CPT1A: variants seen among roughly 807,000 people sequenced by gnomAD.
The protein encoded by CPT1A is carnitine palmitoyltransferase 1A.
In CPT1A, 64 loss-of-function variants were observed where a neutral mutation model predicts 100.8. The ratio of observed to expected loss-of-function variants is 0.63; its 90% CI spans 0.52 to 0.78. The LOEUF (loss-of-function observed/expected upper bound fraction) is 0.78, where lower values mean the gene tolerates loss of function less well. Ranked by LOEUF, CPT1A falls within the 30% of genes least tolerant of loss-of-function variation. The probability of loss-of-function intolerance (pLI) is 0.00; values close to 1 mark genes in which losing one functional copy is unlikely to be tolerated. For synonymous variants in CPT1A, 363 were observed against 396.0 expected (o/e 0.92, Z 0.99); for missense variants, 802 against 1,034.1 (o/e 0.78, Z 3.08).
intron 12 of CPT1A, among the ~76,000 whole-genome samples, chr11:68,777,518 C>A (rs1855172395): frequency 6.6e-6 from 1 of 152,234 alleles, no homozygotes; most frequent in Non-Finnish European, 1.5e-5. Context: ...CACTGGGCCC[C>A]CATGTGAGAC....
intron 14 of CPT1A, 143 bp downstream of exon 14, chr11:68,773,122 G>GA: frequency 6.8e-7 from 1 of 1,467,550 alleles, no homozygotes; most frequent in South Asian, 1.3e-5. Flanking sequence ...ACGCCACCCG[G>GA]CCCCCGGAGA....
intron 3 of CPT1A, among the ~76,000 whole-genome samples, chr11:68,809,447 G>A (rs112030102): frequency 1.3e-5 from 2 of 152,120 alleles, no homozygotes; most frequent in African/African-American, 2.4e-5. Context: ...CAAGGCTGTC[G>A]GGGACAAACT....
In CPT1A at chr11:68,773,025, G is replaced by C. The variant is rs569805137; in HGVS notation, c.1740+240C>G. 2.0e-5 allele frequency among the ~76,000 whole-genome samples: 3 copies of C among 152,312 alleles called. No individual in the cohort carries two copies. In the East Asian group the frequency reaches 5.8e-4, roughly 29 times the overall value. On this transcript the variant is annotated intron_variant, in intron 14 of 18. Transcript: ENST00000265641. Reference sequence around the variant, plus strand: ...GATCTCACTTTGTCCTCATCCCCCAGACTCTCCCTCTCCCGTGTCAGCTGG... The same window carrying C: ...GATCTCACTTTGTCCTCATCCCCCACACTCTCCCTCTCCCGTGTCAGCTGG...
At position 68,757,219 on chromosome 11, in the gene CPT1A, T is replaced by C; in HGVS notation, c.*425A>G. 1.2e-6 allele frequency: 1 copy of C among 862,948 alleles called. No individual in the cohort carries two copies. The highest frequency in any genetic ancestry group is 1.4e-6 in the Non-Finnish European group (1 of 694,054). 53.5% of individuals were successfully genotyped at this position (862,948 alleles called of 1,614,324 possible). The stretch of plus-strand genomic sequence containing the variant: ...GACACCAACTTGAATAACACATTTT[T>C]CTTTTAACAAAACAAAAGTTTACCC... On this transcript the variant is annotated 3_prime_UTR_variant, in exon 19 of 19. Coordinates refer to ENST00000265641, the MANE Select transcript of CPT1A (RefSeq NM_001876.4).
At chr11:68,784,747 A>C in intron 10 of CPT1A, 68 bp downstream of exon 10, 28 of 1,436,728 alleles carry the variant, frequency 1.9e-5, no homozygotes, top group African/African-American at 2.8e-5. Context: ...CCTGGTGGGG[A>C]TGGGCCCCAG....
intron 1 of CPT1A, among the ~76,000 whole-genome samples, chr11:68,835,150 G>A (rs528726974): frequency 4.6e-5 from 7 of 152,280 alleles, no homozygotes; most frequent in African/African-American, 1.2e-4. Flanking sequence ...GATAGCCAAC[G>A]TATTGACAGA....
intron 13 of CPT1A, chr11:68,774,000 T>C (rs1416403839): frequency 1.8e-5 from 3 of 165,946 alleles, no homozygotes; most frequent in Non-Finnish European, 4.0e-5. Context: ...TCCCAAGCGC[T>C]GGAGCCACTG....
intron 8 of CPT1A, 49 bp from the exon 9 acceptor site, chr11:68,793,451 A>G: frequency 6.7e-7 from 1 of 1,502,552 alleles, no homozygotes; most frequent in East Asian, 2.4e-5. Flanking sequence ...CCACAGAAGA[A>G]AAGCAGCAAG....
At chr11:68,770,255 T>C (rs1175920809) in intron 14 of CPT1A, among the ~76,000 whole-genome samples, 1 of 152,170 alleles carries the variant, frequency 6.6e-6, no homozygotes, top group Non-Finnish European at 1.5e-5. Context: ...TTCTCGTTTC[T>C]ATTACATTCT....
chr11:68,808,991 A>C (rs996758578), intron 3 of CPT1A, among the ~76,000 whole-genome samples: 16 of 149,104 alleles, frequency 1.1e-4, no homozygotes. Flanking sequence ...AAAAATAATA[A>C]AAATAAAAAA....
intron 3 of CPT1A, among the ~76,000 whole-genome samples, chr11:68,810,344 G>A (rs1313084771): frequency 6.6e-6 from 1 of 152,212 alleles, no homozygotes; most frequent in Non-Finnish European, 1.5e-5. Context: ...AGGTCTGCCA[G>A]CTGCTTTCTG....
chr11:68,809,281 AG>A (rs1445276420), intron 3 of CPT1A, among the ~76,000 whole-genome samples: 1 of 152,180 alleles, frequency 6.6e-6, no homozygotes, highest in Non-Finnish European at 1.5e-5. Context: ...GATTACTGAA[AG>A]AAAAAGACCT....
intron 9 of CPT1A, among the ~76,000 whole-genome samples, chr11:68,786,996 A>T (rs1855480983): frequency 6.6e-6 from 1 of 152,218 alleles, no homozygotes; most frequent in Non-Finnish European, 1.5e-5. Flanking sequence ...ATTCCACATT[A>T]CACTCAGGAT....
In CPT1A at chr11:68,759,542, G is replaced by A. The variant is rs766943745; in HGVS notation, c.2235+27C>T. 8.1e-6 allele frequency: 12 copies of A among 1,484,704 alleles called. No individual in the cohort carries two copies. In the African/African-American group the frequency reaches 1.7e-4, roughly 21 times the overall value. 92.0% of individuals were successfully genotyped at this position (1,484,704 alleles called of 1,614,324 possible). ...ATAAAGCAAAAATACCCCATCTTCA[G>A]AAAAAGGAACTTCTTTTCATACATA... On this transcript the variant is annotated intron_variant, in intron 18 of 18. Coordinates refer to ENST00000265641, the MANE Select transcript of CPT1A (RefSeq NM_001876.4).
chr11:68,842,003 G>T, upstream of CPT1A: 36 of 977,502 alleles, frequency 3.7e-5, no homozygotes, highest in Non-Finnish European at 4.3e-5. Flanking sequence ...GGGGCGGGGC[G>T]TCCGCGGGGC....
intron 9 of CPT1A, among the ~76,000 whole-genome samples, chr11:68,793,113 G>A (rs867732233): frequency 6.6e-6 from 1 of 152,100 alleles, no homozygotes; most frequent in Admixed American, 6.6e-5. Flanking sequence ...CAACCAAAGA[G>A]AAATTAAAAT....
rs140332936 is a variant in CPT1A, at chr11:68,781,806, G to A, written c.1317C>T (p.Tyr439=). The change falls in exon 11 of 19, where the codon TAC becomes TAT. Residue 439 remains tyrosine (Y), a synonymous_variant. Coordinates refer to ENST00000265641, the MANE Select transcript of CPT1A (RefSeq NM_001876.4). ...SEDPDTSMDS[Y]AKSLLHGRCY... is the part of the protein sequence containing the mutation. ...ATCGGCCGTGTAGTAGAGATTTGGC[G>A]TAGCTGTCCATTGACGTATCCGGGT... The A allele has an allele frequency of 8.2e-5, 132 of 1,614,130 alleles. No homozygotes were observed. In the South Asian group the frequency reaches 8.6e-4, roughly 10 times the overall value.
chr11:68,783,571 G>A (rs892802600), intron 10 of CPT1A, among the ~76,000 whole-genome samples: 3 of 152,166 alleles, frequency 2.0e-5, no homozygotes, highest in Non-Finnish European at 1.5e-5. Flanking sequence ...TGCCCCTCCC[G>A]CCTTACTCCC....
chr11:68,812,015 C>T (rs1856225289), intron 3 of CPT1A, among the ~76,000 whole-genome samples: 1 of 152,120 alleles, frequency 6.6e-6, no homozygotes, highest in Non-Finnish European at 1.5e-5. Context: ...CTGCAGAGGA[C>T]CCCACAGCAG....
Sources: allele counts gnomAD v4.1 joint callset (sites outside exome capture counted in the v4.1 genomes callset), GRCh38; gene constraint gnomAD v4.1.1; transcripts MANE v1.5; gene names NCBI Gene and HGNC (gene_info 2026-07-23, HGNC 2026-07-21).